The following RASSF2 variants were observed in gnomAD, a reference collection of about 807,000 sequenced individuals.
RASSF2 encodes Ras association domain family member 2, also known as ras association domain-containing protein 2.
RASSF2 carries 34 observed loss-of-function variants against 46.3 expected under a neutral mutation model. That is an observed-to-expected ratio of 0.73 (90% confidence interval 0.56 to 0.98). The LOEUF (loss-of-function observed/expected upper bound fraction) is 0.98. Among genes scored for constraint, RASSF2 ranks in the 50% least tolerant of loss-of-function variants. The pLI, the probability that RASSF2 is intolerant of heterozygous loss-of-function variation, is 0.00. For missense variants in RASSF2, 364 were observed against 431.2 expected (o/e 0.84, Z 1.38); for synonymous variants, 158 against 162.5 (o/e 0.97, Z 0.21).
rs1363857665 is a variant in RASSF2 at position 4,795,429 on chromosome 20, G to A, written c.287+386C>T. 2 of 167,332 alleles carry A rather than the reference G, an allele frequency of 1.2e-5. No individual in the cohort carries two copies. The highest frequency in any genetic ancestry group is 4.8e-5 in the African/African-American group (2 of 42,046). The allele number at this position is 167,332 out of a possible 1,614,324, so 10.4% of individuals were successfully genotyped here. A position where few individuals can be genotyped will look rare whatever the true frequency, so the allele number is the denominator to read the frequency against. ...CTTTGGAGTGGGGCTATTCTATGAG[G>A]AGTGGTCCCAGTGGGGAGGGTGCTG... On this transcript the variant is annotated intron_variant, in intron 5 of 11. Coordinates refer to ENST00000379400, the MANE Select transcript of RASSF2 (RefSeq NM_014737.3). This position sits in a 1 kb window ranked among gnomAD's most constrained non-coding sequence, Gnocchi z 4.0.
chr20:4,801,777 C>T (rs969841770), intron 2 of RASSF2, among the ~76,000 whole-genome samples: 7 of 152,110 alleles, frequency 4.6e-5, no homozygotes, highest in Admixed American at 2.0e-4. Context: ...TCACTCTCTT[C>T]GCCCAGGCTG....
chr20:4,786,216 A>G lies in RASSF2; in HGVS notation c.911+15T>C. 6.3e-7 allele frequency: 1 copy of G among 1,590,500 alleles called. No homozygotes were observed. Among genetic ancestry groups the G allele is most frequent in the Non-Finnish European group, 8.6e-7 (1 of 1,158,648 alleles). On this transcript the variant is annotated intron_variant, in intron 11 of 11. Transcript: ENST00000379400. ...CCAGGAGAAGTGCACCCAGTGCCCCAGAAGCCACACTTACTTGCGCATCAG... is the reference window on the plus strand; with the variant it reads ...CCAGGAGAAGTGCACCCAGTGCCCCGGAAGCCACACTTACTTGCGCATCAG...
At chr20:4,813,715 A>G (rs556431622) in intron 2 of RASSF2, among the ~76,000 whole-genome samples, 2 of 152,318 alleles carry the variant, frequency 1.3e-5, no homozygotes, top group South Asian at 2.1e-4. Context: ...GACTCCAGAA[A>G]AAAGCAGCTG....
intron 3 of RASSF2, among the ~76,000 whole-genome samples, 176 bp downstream of exon 3, chr20:4,800,796 A>G (rs910262825): frequency 1.3e-5 from 2 of 152,164 alleles, no homozygotes; most frequent in African/African-American, 4.8e-5. Context: ...TATCTATAGC[A>G]GCAGCCCTGA....
At chr20:4,819,949 C>A (rs1442397072) in intron 2 of RASSF2, among the ~76,000 whole-genome samples, 1 of 152,194 alleles carries the variant, frequency 6.6e-6, no homozygotes, top group South Asian at 2.1e-4. Flanking sequence ...AGTTCCCCAG[C>A]CCCAAGCTGT....
chr20:4,806,893 G>A (rs369927599), intron 2 of RASSF2, among the ~76,000 whole-genome samples: 9 of 152,048 alleles, frequency 5.9e-5, no homozygotes, highest in East Asian at 1.9e-4. Context: ...TCTCTCTTTC[G>A]TTCTTTGCCT....
rs985614770 is a variant in RASSF2, at chr20:4,795,718, C to T, written c.287+97G>A. On this transcript the variant is annotated intron_variant, in intron 5 of 11. Coordinates refer to ENST00000379400, the MANE Select transcript of RASSF2 (RefSeq NM_014737.3). The surrounding 1 kb of genome is among the most constrained non-coding windows in gnomAD (Gnocchi z 4.0). ...AGGTAGTAGGAGGAGGAGCCAGGGT[C>T]AGGGCTGGCTGGAAGAAGGCAGCAT... 65 of 1,430,148 alleles carry T rather than the reference C, an allele frequency of 4.5e-5. No homozygotes were observed. Among genetic ancestry groups the T allele is most frequent in the Non-Finnish European group, 5.9e-5 (62 of 1,058,480 alleles). 88.6% of individuals were successfully genotyped at this position (1,430,148 alleles called of 1,614,324 possible). A position where few individuals can be genotyped will look rare whatever the true frequency, so the allele number is the denominator to read the frequency against.
rs1927901699 is a variant in RASSF2 at position 4,812,506 on chromosome 20, A to C, written c.-33+9823T>G. ...AGTGCTTTCAGCCAAAAATCAGCCAACCCAACTGTATTCTGGAGGAGAGGT... is the reference window on the plus strand; with the variant it reads ...AGTGCTTTCAGCCAAAAATCAGCCACCCCAACTGTATTCTGGAGGAGAGGT... On this transcript the variant is annotated intron_variant, in intron 2 of 11. Coordinates refer to ENST00000379400, the MANE Select transcript of RASSF2 (RefSeq NM_014737.3). This position sits in a 1 kb window ranked among gnomAD's most constrained non-coding sequence, Gnocchi z 4.0. Among the ~76,000 whole-genome samples the C allele has an allele frequency of 6.6e-6, 1 of 152,100 alleles. No individual in the cohort carries two copies. The highest frequency in any genetic ancestry group is 2.1e-4 in the South Asian group (1 of 4,824).
At chr20:4,811,118 AC>A (rs1927756989) in intron 2 of RASSF2, among the ~76,000 whole-genome samples, 1 of 149,256 alleles carries the variant, frequency 6.7e-6, no homozygotes. Context: ...GCAGCACAGC[AC>A]AAGGACAGCT....
Position 4,784,237 on chromosome 20 carries a change from G to T in RASSF2, c.*36C>A, listed in dbSNP as rs1216321393. Reference sequence around the variant, plus strand: ...CCTGGGGGTCTTATGGGCAATGGCGGTTCCTGGGGTGCCCAGATCCCCTCG... The same window carrying T: ...CCTGGGGGTCTTATGGGCAATGGCGTTTCCTGGGGTGCCCAGATCCCCTCG... On this transcript the variant is annotated 3_prime_UTR_variant, in exon 12 of 12. Coordinates refer to ENST00000379400, the MANE Select transcript of RASSF2 (RefSeq NM_014737.3). 6.3e-7 allele frequency: 1 copy of T among 1,587,218 alleles called. No individual in the cohort carries two copies. The highest frequency in any genetic ancestry group is 8.7e-7 in the Non-Finnish European group (1 of 1,155,576).
intron 2 of RASSF2, among the ~76,000 whole-genome samples, chr20:4,816,510 G>A (rs772420425): frequency 2.6e-5 from 4 of 152,154 alleles, no homozygotes; most frequent in African/African-American, 9.7e-5. Context: ...TGTTTGGAAC[G>A]ACGAAAAAGT....
Position 4,790,666 on chromosome 20 carries a change from T to A in RASSF2, c.377-55A>T, listed in dbSNP as rs1925799916. 3 of 1,437,144 alleles carry A rather than the reference T, an allele frequency of 2.1e-6. No homozygotes were observed. In the South Asian group the frequency reaches 4.4e-5, roughly 21 times the overall value. 89.0% of individuals were successfully genotyped at this position (1,437,144 alleles called of 1,614,324 possible). ...CTGTCTGGACCTGGGACATGGCACA[T>A]GGTCCCCAATTTGTGGCCAGTGCGA... On this transcript the variant is annotated intron_variant, in intron 6 of 11. Coordinates refer to ENST00000379400, the MANE Select transcript of RASSF2 (RefSeq NM_014737.3). This position sits in a 1 kb window ranked among gnomAD's most constrained non-coding sequence, Gnocchi z 4.3.
chr20:4,809,238 C>G (rs984737207), intron 2 of RASSF2, among the ~76,000 whole-genome samples: 4 of 152,134 alleles, frequency 2.6e-5, no homozygotes, highest in African/African-American at 9.7e-5. Context: ...TAAGACCTTC[C>G]CTAAGACCCA....
intron 2 of RASSF2, among the ~76,000 whole-genome samples, chr20:4,803,307 G>T (rs73612139): frequency 6.6e-6 from 1 of 151,978 alleles, no homozygotes; most frequent in Non-Finnish European, 1.5e-5. Flanking sequence ...AAGGATCCAC[G>T]ACCCGAGGGA....
intron 2 of RASSF2, among the ~76,000 whole-genome samples, chr20:4,813,964 CAAGTGAG>C (rs1341920444): frequency 6.6e-6 from 1 of 152,140 alleles, no homozygotes; most frequent in African/African-American, 2.4e-5. Flanking sequence ...CCAGTTCAAC[CAAGTGAG>C]ACATTCCATG....
intron 6 of RASSF2, among the ~76,000 whole-genome samples, chr20:4,791,521 A>T (rs1483232350): frequency 3.3e-5 from 5 of 152,246 alleles, no homozygotes; most frequent in Non-Finnish European, 5.9e-5. Context: ...CTATCCTTGT[A>T]TGTGTATAAA....
Position 4,783,833 on chromosome 20 carries a change from C to T in RASSF2, c.*440G>A, listed in dbSNP as rs1439790129. ...AGACAGACGTGTGGCTGCTCCCTGG[C>T]ACTTGAGAGGAGAAATCTTTCCTTC... is the stretch of plus-strand genomic sequence containing the variant. On this transcript the variant is annotated 3_prime_UTR_variant, in exon 12 of 12. Transcript: ENST00000379400. The T allele has an allele frequency of 6.2e-6, 1 of 160,942 alleles. No homozygotes were observed. The highest frequency in any genetic ancestry group is 1.4e-5 in the Non-Finnish European group (1 of 73,020). 10.0% of individuals were successfully genotyped at this position (160,942 alleles called of 1,614,324 possible). A position where few individuals can be genotyped will look rare whatever the true frequency, so the allele number is the denominator to read the frequency against.
intron 2 of RASSF2, among the ~76,000 whole-genome samples, chr20:4,813,981 G>A (rs73593108): frequency 0.016 from 2,472 of 152,302 alleles, 56 homozygotes; most frequent in African/African-American, 0.056. Flanking sequence ...GACATTCCAT[G>A]TGACTGTAGG....
chr20:4,822,161 G>A (rs902364938), intron 2 of RASSF2, among the ~76,000 whole-genome samples, 168 bp downstream of exon 2: 3 of 152,202 alleles, frequency 2.0e-5, no homozygotes, highest in African/African-American at 4.8e-5. Flanking sequence ...CCTGAAAGAA[G>A]GCCCCTGGCT....
Sources: allele counts gnomAD v4.1 joint callset (sites outside exome capture counted in the v4.1 genomes callset), GRCh38; gene constraint gnomAD v4.1.1; non-coding constraint Gnocchi (gnomAD v3.1); transcripts MANE v1.5; gene names NCBI Gene and HGNC (gene_info 2026-07-23, HGNC 2026-07-21).